SVEP1: variants seen among roughly 807,000 people sequenced by gnomAD.
SVEP1 encodes the protein sushi, von Willebrand factor type A, EGF and pentraxin domain-containing protein 1.
A neutral mutation model predicts 367.3 loss-of-function variants in SVEP1; 164 were observed. That is an observed-to-expected ratio of 0.45 (90% CI 0.39 to 0.51). The LOEUF is 0.51. SVEP1 is among the 20% of genes least tolerant of loss of function. The pLI is 0.00. For synonymous variants in SVEP1, 1,666 were observed against 1,611.6 expected (o/e 1.03, Z -0.81); for missense variants, 4,117 against 4,425.3 (o/e 0.93, Z 1.98).
At chr9:110,492,925 C>T (rs1173779416) in intron 8 of SVEP1, among the ~76,000 whole-genome samples, 3 of 152,114 alleles carry the variant, frequency 2.0e-5, no homozygotes, top group Admixed American at 2.0e-4. Context: ...AGACAGGTGG[C>T]TGCATCTCTC....
At position 110,386,029 on chromosome 9, in the gene SVEP1, A is replaced by G; in HGVS notation, c.10106T>C (p.Leu3369Pro). Residue 3369 changes from leucine (L) to proline (P), a missense_variant, in exon 43 of 48, where the codon CTG becomes CCG. This residue lies in a region of SVEP1 where 1,765 missense variants were observed against 1,781.1 expected (regional missense o/e 0.99). Transcript: ENST00000374469. ...ATCAACATAAAACTCCTTTTCAGACAGCAGAGCATTCTCGGGAATCACAAA... is the reference window on the plus strand; with the variant it reads ...ATCAACATAAAACTCCTTTTCAGACGGCAGAGCATTCTCGGGAATCACAAA... ...VPFVIPENAL[L>P]SEKEFYVDQN... 6.2e-7 allele frequency: 1 copy of G among 1,613,840 alleles called. No individual in the cohort carries two copies. The highest frequency in any genetic ancestry group is 8.5e-7 in the Non-Finnish European group (1 of 1,179,812).
chr9:110,569,600 T>G (rs532961905), intron 1 of SVEP1, among the ~76,000 whole-genome samples: 1 of 152,364 alleles, frequency 6.6e-6, no homozygotes, highest in East Asian at 1.9e-4. Context: ...TTGGTGTTAT[T>G]ACTTTTTCTT....
chr9:110,406,184 G>A lies in SVEP1; in HGVS notation c.9416C>T (p.Thr3139Ile). ...CCTGAGTTTCACTTCACTTTCATAGGTGTGTGCCTCTCCAGTTGCCACTGC... is the reference window on the plus strand; with the variant it reads ...CCTGAGTTTCACTTCACTTTCATAGATGTGTGCCTCTCCAGTTGCCACTGC... The part of the protein sequence containing the change: ...ANAVATGEAH[T>I]YESEVKLRCL... Residue 3139 changes from threonine (T) to isoleucine (I), a missense_variant, in exon 38 of 48, where the codon ACC (threonine) becomes ATC (isoleucine). Thr to Ile is a moderately conservative substitution (Grantham distance 89). Around this residue, in one of 4 missense-constraint regions of SVEP1, gnomAD observed 1,765 missense variants for 1,781.1 expected, o/e 0.99. Transcript: ENST00000374469. The A allele has an allele frequency of 6.3e-7, 1 of 1,593,950 alleles. No homozygotes were observed. The highest frequency in any genetic ancestry group is 1.7e-5 in the Admixed American group (1 of 58,076).
intron 40 of SVEP1, among the ~76,000 whole-genome samples, chr9:110,390,040 A>T (rs199891044): frequency 5.0e-3 from 332 of 65,874 alleles, no homozygotes; most frequent in African/African-American, 0.011. Context: ...TATATATATA[A>T]GTATATATAC....
intron 18 of SVEP1, among the ~76,000 whole-genome samples, chr9:110,460,338 C>T (rs1828838783): frequency 5.1e-5 from 7 of 137,354 alleles, no homozygotes. Flanking sequence ...AAAATAAATA[C>T]TTCATTAAAA....
At chr9:110,450,459 G>T (rs1353948391) in intron 23 of SVEP1, among the ~76,000 whole-genome samples, 199 bp from the exon 24 acceptor site, 1 of 137,710 alleles carries the variant, frequency 7.3e-6, no homozygotes, top group Admixed American at 7.7e-5. Flanking sequence ...CTGAGTTTTT[G>T]ATAATCTGTT....
intron 40 of SVEP1, among the ~76,000 whole-genome samples, 200 bp from the exon 41 acceptor site, chr9:110,389,787 T>C (rs1827598457): frequency 6.6e-6 from 1 of 152,064 alleles, no homozygotes; most frequent in African/African-American, 2.4e-5. Flanking sequence ...ATTCACACTC[T>C]GGCAGACCGG....
In SVEP1 at chr9:110,411,382, A is replaced by C; in HGVS notation, c.6329T>G (p.Phe2110Cys). The change falls in exon 37 of 48, where the codon TTT becomes TGT. Residue 2110 changes from phenylalanine to cysteine, a missense_variant. Transcript: ENST00000374469. Reference sequence around the variant, plus strand: ...CAGTACAAAGCCTTCCATGCATTTAAAGCTCACAACTGAGCCAGCTGCAAA... The same window carrying C: ...CAGTACAAAGCCTTCCATGCATTTACAGCTCACAACTGAGCCAGCTGCAAA... ...AKFAAGSVVSFKCMEGFVLNT... is the reference protein window; with the variant it reads ...AKFAAGSVVSCKCMEGFVLNT... 6.2e-7 allele frequency: 1 copy of C among 1,614,026 alleles called. No individual in the cohort carries two copies. Among genetic ancestry groups the C allele is most frequent in the Non-Finnish European group, 8.5e-7 (1 of 1,179,900 alleles).
chr9:110,528,784 T>A (rs1007574938), intron 3 of SVEP1, among the ~76,000 whole-genome samples: 9 of 151,804 alleles, frequency 5.9e-5, no homozygotes, highest in Non-Finnish European at 2.9e-5. Context: ...TTATTATTAT[T>A]ATGGCTATGC....
At chr9:110,521,530 C>T (rs553928744) in intron 3 of SVEP1, among the ~76,000 whole-genome samples, 1 of 152,292 alleles carries the variant, frequency 6.6e-6, no homozygotes, top group South Asian at 2.1e-4. Flanking sequence ...GAGGTTGCAT[C>T]AGCAAAGTAA....
At position 110,387,391 on chromosome 9, in the gene SVEP1, T is replaced by A. The variant is rs771271924; in HGVS notation, c.9954A>T (p.Gly3318=). The A allele has an allele frequency of 6.2e-7, 1 of 1,613,572 alleles. No homozygotes were observed. ...GKADIENRTT[G]PNVVYSCNRG... Reference sequence around the variant, plus strand: ...TGTTGCAGGAATATACCACGTTGGGTCCAGTCGTCCTGTTTTCAATGTCAG... The same window carrying A: ...TGTTGCAGGAATATACCACGTTGGGACCAGTCGTCCTGTTTTCAATGTCAG... The change falls in exon 42 of 48, where the codon GGA becomes GGT. Residue 3318 remains glycine, a synonymous_variant. Coordinates refer to ENST00000374469, the MANE Select transcript of SVEP1 (RefSeq NM_153366.4).
rs139670375 is a variant in SVEP1 at position 110,557,873 on chromosome 9, C to T, written c.532-7769G>A. 2.5e-3 allele frequency among the ~76,000 whole-genome samples: 374 copies of T among 152,264 alleles called. 2 individuals are homozygous for T. Among genetic ancestry groups the T allele is most frequent in the Middle Eastern group, 0.024 (7 of 294 alleles). ...GTCTGAAAATGGATGGCCTAGATCA[C>T]CAATCCCCAATAGAACTTTCTATAA... On this transcript the variant is annotated intron_variant, in intron 1 of 47. Transcript: ENST00000374469.
chr9:110,448,546 T>A (rs922330393), intron 24 of SVEP1, among the ~76,000 whole-genome samples: 2 of 152,232 alleles, frequency 1.3e-5, no homozygotes, highest in Admixed American at 1.3e-4. Context: ...GACTATAATT[T>A]CACTCACCTT....
chr9:110,471,614 A>G lies in SVEP1; in HGVS notation c.2765-17T>C. 1 of 1,582,166 alleles carries G rather than the reference A, an allele frequency of 6.3e-7. No individual in the cohort carries two copies. The highest frequency in any genetic ancestry group is 1.1e-5 in the South Asian group (1 of 89,222). On this transcript the variant is annotated splice_polypyrimidine_tract_variant and intron_variant, in intron 15 of 47. Coordinates refer to ENST00000374469, the MANE Select transcript of SVEP1 (RefSeq NM_153366.4). Reference sequence around the variant, plus strand: ...GCACACTAGCTGAGATAAAAACAAAATAAAACACAACACAAACACATGGTG... The same window carrying G: ...GCACACTAGCTGAGATAAAAACAAAGTAAAACACAACACAAACACATGGTG...
intron 40 of SVEP1, among the ~76,000 whole-genome samples, chr9:110,397,899 T>G (rs1231301278): frequency 2.0e-5 from 3 of 151,894 alleles, no homozygotes; most frequent in Non-Finnish European, 4.4e-5. Context: ...ATCAATATCA[T>G]GAAAATGGCC....
Position 110,436,424 on chromosome 9 carries a change from T to G in SVEP1, c.4720A>C (p.Ile1574Leu). Reference sequence around the variant, plus strand: ...TAGTCCCAGAGGTTGAGCTGGCTTATGGAGCCCACAAAAGACTCAGCTGGG... The same window carrying G: ...TAGTCCCAGAGGTTGAGCTGGCTTAGGGAGCCCACAAAAGACTCAGCTGGG... ...FSPAESFVGS[I>L]SQLNLWDYVL... The change falls in exon 28 of 48, where the codon ATA becomes CTA. Residue 1574 changes from isoleucine to leucine, a missense_variant. Physicochemically the swap from Ile to Leu is conservative, Grantham distance 5. Coordinates refer to ENST00000374469, the MANE Select transcript of SVEP1 (RefSeq NM_153366.4). 1 of 1,613,998 alleles carries G rather than the reference T, an allele frequency of 6.2e-7. No homozygotes were observed. Among genetic ancestry groups the G allele is most frequent in the Middle Eastern group, 1.6e-4 (1 of 6,062 alleles).
At chr9:110,476,726 T>C (rs918791244) in intron 13 of SVEP1, among the ~76,000 whole-genome samples, 5 of 152,206 alleles carry the variant, frequency 3.3e-5, no homozygotes, top group African/African-American at 1.2e-4. Context: ...CCTCTCTTTA[T>C]GTTCTCTTCA....
chr9:110,434,561 C>T (rs1257118713), intron 29 of SVEP1, 55 bp from the exon 30 acceptor site: 4 of 1,512,894 alleles, frequency 2.6e-6, no homozygotes, highest in East Asian at 2.6e-5. Context: ...GGTAGCATCA[C>T]CAAGTCAATG....
chr9:110,553,836 T>C (rs1830321834), intron 1 of SVEP1, among the ~76,000 whole-genome samples: 2 of 152,234 alleles, frequency 1.3e-5, no homozygotes, highest in South Asian at 4.1e-4. Flanking sequence ...TTCTTCCAGT[T>C]GCTCGAGCAA....
Sources: gnomAD v4.1 joint callset for allele counts (sites outside exome capture counted in the v4.1 genomes callset) on GRCh38, gnomAD v4.1.1 for gene constraint, gnomAD v4.1.1 regional missense constraint, MANE v1.5 for transcripts, NCBI Gene and HGNC (gene_info 2026-07-23, HGNC 2026-07-21) for gene names.